Variants in MCM5 observed in about 807,000 individuals in gnomAD.
MCM5 encodes DNA replication licensing factor MCM5.
In MCM5, 46 loss-of-function variants were observed where a neutral mutation model predicts 79.9. That is an observed-to-expected ratio of 0.58 (90% CI 0.45 to 0.74). MCM5 has a LOEUF of 0.74. MCM5 is among the 30% of genes least tolerant of loss of function. MCM5 has a pLI of 0.00. For synonymous variants in MCM5, 404 were observed against 390.5 expected, an observed-to-expected ratio of 1.03 and a Z score of -0.41; for missense variants, 883 against 1,017.0, an observed-to-expected ratio of 0.87 and a Z score of 1.79.
the MCM5 span, among the ~76,000 whole-genome samples, chr22:35,446,781 C>A: frequency 6.6e-6 from 1 of 152,116 alleles, no homozygotes; most frequent in Non-Finnish European, 1.5e-5. Flanking sequence ...TTTCTCTCAT[C>A]TCGGTTCCCT....
chr22:35,402,073 A>G (rs935493454), intron 2 of MCM5, among the ~76,000 whole-genome samples: 1 of 152,122 alleles, frequency 6.6e-6, no homozygotes, highest in African/African-American at 2.4e-5. Flanking sequence ...GTGGTCCCCA[A>G]ATATGTTCTT....
rs777769779 is a variant in MCM5, at chr22:35,410,718, T to C, written c.753-26T>C. On this transcript the variant is annotated intron_variant, in intron 6 of 16. Coordinates refer to ENST00000216122, the MANE Select transcript of MCM5 (RefSeq NM_006739.4). ...GTCCAAGTCAGAATCTCAGCTTTTC[T>C]CCTTTCTCCTCTACCCTCCTCTCAG... 4 of 1,611,020 alleles carry C rather than the reference T, an allele frequency of 2.5e-6. No homozygotes were observed. The South Asian group carries it at 3.3e-5, about 13-fold the overall frequency.
chr22:35,442,368 AAAC>A, the MCM5 span, among the ~76,000 whole-genome samples: 2 of 152,074 alleles, frequency 1.3e-5, no homozygotes, highest in Non-Finnish European at 2.9e-5. Flanking sequence ...AAAAAAAAAA[AAAC>A]ATCACAAACT....
intron 13 of MCM5, among the ~76,000 whole-genome samples, chr22:35,418,851 C>G: frequency 6.6e-6 from 1 of 152,190 alleles, no homozygotes. Flanking sequence ...GATGGGGAAG[C>G]TGAGGCAAAG....
chr22:35,409,962 A>G (rs2145789793), intron 6 of MCM5: 1 of 152,494 alleles, frequency 6.6e-6, no homozygotes. Context: ...GCAGTTCATG[A>G]ATCCTGAAAA....
chr22:35,405,292 C>A (rs1431415996), intron 4 of MCM5, among the ~76,000 whole-genome samples: 1 of 151,288 alleles, frequency 6.6e-6, no homozygotes, highest in African/African-American at 2.4e-5. Context: ...ATCTGTGGCC[C>A]TGGAGTTCTT....
the MCM5 span, among the ~76,000 whole-genome samples, chr22:35,435,172 G>T: frequency 5.3e-5 from 8 of 152,028 alleles, no homozygotes; most frequent in African/African-American, 1.9e-4. Context: ...AAGGAATGAG[G>T]AGGAGGCTGG....
chr22:35,405,680 T>C (rs1369462398), intron 4 of MCM5, among the ~76,000 whole-genome samples: 1 of 152,124 alleles, frequency 6.6e-6, no homozygotes. Context: ...GAAGAGTCAT[T>C]TTTAAAGGCA....
the MCM5 span, among the ~76,000 whole-genome samples, chr22:35,451,728 C>A: frequency 6.6e-6 from 1 of 152,234 alleles, no homozygotes; most frequent in Non-Finnish European, 1.5e-5. Context: ...ATGATGTCAG[C>A]GGCTCTGGCG....
At chr22:35,435,091 C>T in the MCM5 span, among the ~76,000 whole-genome samples, 1 of 152,156 alleles carries the variant, frequency 6.6e-6, no homozygotes, top group Non-Finnish European at 1.5e-5. Flanking sequence ...GTGGAGGTTG[C>T]AGTGAGCTGG....
Position 35,403,297 on chromosome 22 carries a change from CTACTTG to C in MCM5, c.262_267del (p.Leu88_Tyr89del). On this transcript the variant is annotated inframe_deletion, in exon 3 of 17. Transcript: ENST00000216122. ...CCAGCTTTGATGAGGACCTGGCCGACTACTTGTACAAGCAGCCAGCCGAGCACCTGC... is the reference window on the plus strand; with the variant it reads ...CCAGCTTTGATGAGGACCTGGCCGACTACAAGCAGCCAGCCGAGCACCTGC... 6.2e-7 allele frequency: 1 copy of C among 1,614,158 alleles called. No individual in the cohort carries two copies. The highest frequency in any genetic ancestry group is 8.5e-7 in the Non-Finnish European group (1 of 1,180,040).
chr22:35,448,797 A>G, the MCM5 span, among the ~76,000 whole-genome samples: 6 of 152,348 alleles, frequency 3.9e-5, no homozygotes, highest in East Asian at 9.6e-4. Context: ...GTGGGGATCA[A>G]CAGATGGAGT....
intron 15 of MCM5, chr22:35,422,492 GT>G (rs35680907): frequency 6.6e-6 from 1 of 152,330 alleles, no homozygotes; most frequent in Non-Finnish European, 1.5e-5. Context: ...GGTGGGGCCT[GT>G]TCCTCCTGTC....
chr22:35,432,717 G>T, the MCM5 span, among the ~76,000 whole-genome samples: 1 of 151,982 alleles, frequency 6.6e-6, no homozygotes, highest in Non-Finnish European at 1.5e-5. Flanking sequence ...GTGTGTGTGC[G>T]GGGGGGTGGT....
At chr22:35,405,317 A>G (rs928444915) in intron 4 of MCM5, among the ~76,000 whole-genome samples, 9 of 151,600 alleles carry the variant, frequency 5.9e-5, no homozygotes, top group Admixed American at 1.3e-4. Flanking sequence ...AACAAGTCCC[A>G]TACATCATAT....
chr22:35,452,739 G>A, the MCM5 span, among the ~76,000 whole-genome samples: 2 of 152,190 alleles, frequency 1.3e-5, no homozygotes, highest in Admixed American at 6.5e-5. Flanking sequence ...CCGCTGGGGT[G>A]GTGGTGCCAG....
rs1180611774 is a variant in MCM5 at position 35,403,229 on chromosome 22, A to C, written c.190A>C (p.Asn64His). 3.7e-6 allele frequency: 6 copies of C among 1,613,960 alleles called. No homozygotes were observed. The highest frequency in any genetic ancestry group is 1.7e-5 in the Admixed American group (1 of 59,986). Residue 64 changes from asparagine to histidine, a missense_variant, in exon 3 of 17, where the codon AAC becomes CAC. Physicochemically the swap from Asn to His is moderately conservative, Grantham distance 68. Transcript: ENST00000216122. ...KYRDELKRHY[N>H]LGEYWIEVEM... ...CAGGGATGAACTCAAGCGGCATTAC[A>C]ACCTGGGGGAGTACTGGATTGAGGT...
intron 16 of MCM5, 163 bp from the exon 17 acceptor site, chr22:35,423,991 C>T (rs1932753222): frequency 1.8e-6 from 1 of 567,988 alleles, no homozygotes; most frequent in Non-Finnish European, 3.2e-6. Flanking sequence ...GGCTTAGCCT[C>T]CGTGTGCCTC....
chr22:35,417,311 A>G (rs1222221978), intron 12 of MCM5, among the ~76,000 whole-genome samples: 1 of 152,120 alleles, frequency 6.6e-6, no homozygotes, highest in African/African-American at 2.4e-5. Context: ...GGCAAAGACA[A>G]AATAAGATTT....
Sources: allele counts gnomAD v4.1 joint callset (sites outside exome capture counted in the v4.1 genomes callset), GRCh38; gene constraint gnomAD v4.1.1; transcripts MANE v1.5; gene names NCBI Gene and HGNC (gene_info 2026-07-23, HGNC 2026-07-21).